The following ANGPT1 variants were observed in gnomAD, a reference collection of about 807,000 sequenced individuals.
ANGPT1 encodes angiopoietin 1, also known as angiopoietin-1.
In ANGPT1, 17 loss-of-function variants were observed where a neutral mutation model predicts 62.2. That is an observed-to-expected ratio of 0.27 (90% CI 0.19 to 0.41). ANGPT1 has a LOEUF of 0.41. Ranked by LOEUF, ANGPT1 falls within the 10% of genes least tolerant of loss-of-function variation. ANGPT1 has a pLI of 1.00. For synonymous variants in ANGPT1, 199 were observed against 198.9 expected (o/e 1.00, Z 0.00); for missense variants, 478 against 594.9 (o/e 0.80, Z 2.04).
chr8:107,286,854 G>A (rs750196396), intron 6 of ANGPT1, among the ~76,000 whole-genome samples: 3 of 152,132 alleles, frequency 2.0e-5, no homozygotes, highest in Non-Finnish European at 4.4e-5. Context: ...TTTCTGGTGT[G>A]CTAAGAATTT....
At chr8:107,321,872 C>A (rs368510018) in intron 4 of ANGPT1, 24 bp downstream of exon 4, 11 of 1,594,634 alleles carry the variant, frequency 6.9e-6, no homozygotes, top group Non-Finnish European at 9.5e-6. Flanking sequence ...ATTAACAATA[C>A]CAAAGTGAGG....
intron 1 of ANGPT1, among the ~76,000 whole-genome samples, chr8:107,369,538 C>T (rs1241599312): frequency 6.6e-6 from 1 of 152,208 alleles, no homozygotes; most frequent in African/African-American, 2.4e-5. Context: ...GCCTAGCTCT[C>T]AGCCTGTCTT....
chr8:107,448,060 T>C (rs1170270466), intron 1 of ANGPT1, among the ~76,000 whole-genome samples: 1 of 152,198 alleles, frequency 6.6e-6, no homozygotes, highest in African/African-American at 2.4e-5. Flanking sequence ...GAGTACACAA[T>C]CTCTGGGATT....
chr8:107,377,976 G>A (rs1366838192), intron 1 of ANGPT1, among the ~76,000 whole-genome samples: 1 of 152,052 alleles, frequency 6.6e-6, no homozygotes, highest in Non-Finnish European at 1.5e-5. Context: ...GGCATACACT[G>A]CAGCTTAAGA....
At chr8:107,325,415 G>A (rs1367146585) in intron 3 of ANGPT1, among the ~76,000 whole-genome samples, 1 of 152,178 alleles carries the variant, frequency 6.6e-6, no homozygotes, top group Non-Finnish European at 1.5e-5. Context: ...TAGTCTACTA[G>A]TGAGAAAACT....
At chr8:107,323,311 G>T (rs1815200789) in intron 3 of ANGPT1, among the ~76,000 whole-genome samples, 1 of 152,086 alleles carries the variant, frequency 6.6e-6, no homozygotes, top group African/African-American at 2.4e-5. Flanking sequence ...GTTTTCAGAA[G>T]GTTCAACCCG....
In ANGPT1 at chr8:107,409,892, C is replaced by T. The variant is rs1048270578; in HGVS notation, c.298-62795G>A. Among the ~76,000 whole-genome samples the T allele has an allele frequency of 2.0e-5, 3 of 152,060 alleles. No individual in the cohort carries two copies. In the South Asian group the frequency reaches 6.2e-4, roughly 32 times the overall value. On this transcript the variant is annotated intron_variant, in intron 1 of 8. Coordinates refer to ENST00000517746, the MANE Select transcript of ANGPT1 (RefSeq NM_001146.5). ...TAATGATTGTGTTTATTTGTGGGTC[C>T]TGTGCATTTTGTATAATACCTGGCA...
At chr8:107,374,637 G>A (rs1274153798) in intron 1 of ANGPT1, among the ~76,000 whole-genome samples, 3 of 152,150 alleles carry the variant, frequency 2.0e-5, no homozygotes, top group Admixed American at 6.5e-5. Flanking sequence ...CTGTCTGGTC[G>A]CAAATTGCCT....
intron 1 of ANGPT1, among the ~76,000 whole-genome samples, chr8:107,489,406 CAAGT>C (rs1228715574): frequency 6.6e-6 from 1 of 152,092 alleles, no homozygotes; most frequent in East Asian, 1.9e-4. Context: ...ATAGTATAAA[CAAGT>C]AACAACAGTT....
intron 1 of ANGPT1, among the ~76,000 whole-genome samples, chr8:107,400,570 T>C (rs1817025342): frequency 6.6e-6 from 1 of 151,848 alleles, no homozygotes; most frequent in African/African-American, 2.4e-5. Context: ...TCTTTTTTTT[T>C]TTTTTTTGAG....
intron 1 of ANGPT1, among the ~76,000 whole-genome samples, chr8:107,429,989 A>G (rs1811138527): frequency 7.0e-6 from 1 of 142,892 alleles, no homozygotes; most frequent in Non-Finnish European, 1.6e-5. Context: ...CATGTGGGTG[A>G]TTTTTCATTT....
intron 1 of ANGPT1, among the ~76,000 whole-genome samples, chr8:107,382,194 T>C (rs562412774): frequency 6.6e-6 from 1 of 152,282 alleles, no homozygotes; most frequent in South Asian, 2.1e-4. Context: ...GGAAGAAATA[T>C]ATTAATAGGT....
Position 107,425,475 on chromosome 8 carries a change from A to T in ANGPT1, c.297+71787T>A, listed in dbSNP as rs531227798. ...GCCCCACATGTATGAAAACAAATTC[A>T]ATTCAAAATAGAGGTAATTTAGTGG... is the stretch of plus-strand genomic sequence containing the variant. On this transcript the variant is annotated intron_variant, in intron 1 of 8. Transcript: ENST00000517746. Among the ~76,000 whole-genome samples, 51 of 152,288 alleles carry T rather than the reference A, an allele frequency of 3.3e-4. No homozygotes were observed. In the South Asian group the frequency reaches 9.5e-3, roughly 28 times the overall value.
At position 107,497,490 on chromosome 8, in the gene ANGPT1, G is replaced by T; in HGVS notation, c.69C>A (p.Arg23=). ...TTCTCCCACTGTTTTCTGGACTTCG[G>T]CGCTGATTGCTGCACCCTATGTGAG... ...ILTHIGCSNQ[R]RSPENSGRRY... is the part of the protein sequence containing the mutation. Residue 23 remains arginine, a synonymous_variant, in exon 1 of 9, where the codon CGC becomes CGA. Transcript: ENST00000517746. 1 of 1,614,132 alleles carries T rather than the reference G, an allele frequency of 6.2e-7. No homozygotes were observed. Among genetic ancestry groups the T allele is most frequent in the South Asian group, 1.1e-5 (1 of 91,084 alleles).
In ANGPT1 at chr8:107,486,493, A is replaced by G. The variant is rs187357604; in HGVS notation, c.297+10769T>C. On this transcript the variant is annotated intron_variant, in intron 1 of 8. Transcript: ENST00000517746. The stretch of plus-strand genomic sequence containing the variant: ...TTCCAATGGTCTCAACAGTTTTGAA[A>G]AAGTGCTCAATATTTAACTAACACT... 7.3e-4 allele frequency among the ~76,000 whole-genome samples: 111 copies of G among 152,296 alleles called. No individual in the cohort carries two copies. The South Asian group carries it at 8.5e-3, about 12-fold the overall frequency.
chr8:107,366,576 G>T (rs1816278115), intron 1 of ANGPT1, among the ~76,000 whole-genome samples: 1 of 152,054 alleles, frequency 6.6e-6, no homozygotes, highest in Non-Finnish European at 1.5e-5. Flanking sequence ...CAGAAAGCTT[G>T]TTGTCATTAT....
intron 7 of ANGPT1, among the ~76,000 whole-genome samples, chr8:107,274,972 A>C (rs182514419): frequency 7.9e-5 from 12 of 152,192 alleles, no homozygotes; most frequent in African/African-American, 2.9e-4. Flanking sequence ...GCACAGTGGG[A>C]GGACATGGAA....
At chr8:107,370,356 G>A (rs1361672915) in intron 1 of ANGPT1, among the ~76,000 whole-genome samples, 2 of 26,618 alleles carry the variant, frequency 7.5e-5, no homozygotes, top group African/African-American at 1.4e-4. Flanking sequence ...AAGAAAGAAA[G>A]AAAGAAAGAA....
At chr8:107,332,599 G>C (rs993470296) in intron 3 of ANGPT1, among the ~76,000 whole-genome samples, 3 of 152,176 alleles carry the variant, frequency 2.0e-5, no homozygotes, top group Non-Finnish European at 4.4e-5. Context: ...GGACCTCTCA[G>C]CATGTTTGTG....
Sources: gnomAD v4.1 joint callset for allele counts (sites outside exome capture counted in the v4.1 genomes callset) on GRCh38, gnomAD v4.1.1 for gene constraint, MANE v1.5 for transcripts, NCBI Gene and HGNC (gene_info 2026-07-23, HGNC 2026-07-21) for gene names.